Variants in PEBP4 observed in about 807,000 individuals in gnomAD.
PEBP4 encodes phosphatidylethanolamine-binding protein 4.
PEBP4 carries 22 observed loss-of-function variants against 23.9 expected under a neutral mutation model. The ratio of observed to expected loss-of-function variants is 0.92; its 90% CI spans 0.66 to 1.31. The LOEUF is 1.31. Ranked by LOEUF, PEBP4 falls within the 40% of genes most tolerant of loss-of-function variation. The pLI is 0.00. For missense variants in PEBP4, 324 were observed against 281.7 expected, an observed-to-expected ratio of 1.15 and a Z score of -1.07; for synonymous variants, 112 against 99.3, an observed-to-expected ratio of 1.13 and a Z score of -0.76.
intron 3 of PEBP4, among the ~76,000 whole-genome samples, chr8:22,906,731 G>A (rs1808823852): frequency 6.6e-6 from 1 of 152,222 alleles, no homozygotes; most frequent in African/African-American, 2.4e-5. Flanking sequence ...AATAACATGT[G>A]TTCAACAAAT....
At chr8:22,801,591 T>C (rs113404936) in intron 4 of PEBP4, among the ~76,000 whole-genome samples, 2,753 of 152,088 alleles carry the variant, frequency 0.018, 38 homozygotes, top group Non-Finnish European at 0.03. Flanking sequence ...CCCAAAGAGA[T>C]GAAGGATTTT....
chr8:22,827,524 TCA>T (rs1226959979), intron 3 of PEBP4, among the ~76,000 whole-genome samples: 1 of 152,226 alleles, frequency 6.6e-6, no homozygotes, highest in Non-Finnish European at 1.5e-5. Flanking sequence ...CATCTTTTAC[TCA>T]GCGTAATGTT....
chr8:22,847,995 T>C (rs1383160168), intron 3 of PEBP4, among the ~76,000 whole-genome samples: 2 of 152,142 alleles, frequency 1.3e-5, no homozygotes, highest in African/African-American at 4.8e-5. Context: ...AACACAAGGC[T>C]TTTAATTTTT....
chr8:22,922,593 A>AC (rs1358262717), intron 2 of PEBP4, among the ~76,000 whole-genome samples: 1 of 94,250 alleles, frequency 1.1e-5, no homozygotes, highest in Admixed American at 9.5e-5. Context: ...AACAAAAAAA[A>AC]AACACCATGG....
intron 2 of PEBP4, among the ~76,000 whole-genome samples, chr8:22,923,427 G>T (rs146347905): frequency 6.6e-6 from 1 of 152,130 alleles, no homozygotes; most frequent in African/African-American, 2.4e-5. Flanking sequence ...AATTAGCCAA[G>T]TGTGGTGGTA....
intron 4 of PEBP4, among the ~76,000 whole-genome samples, chr8:22,783,925 T>C (rs1386096920): frequency 2.0e-5 from 3 of 152,230 alleles, no homozygotes; most frequent in African/African-American, 7.2e-5. Context: ...CACGCTGGTC[T>C]GGCCGACACA....
chr8:22,865,218 G>C lies in PEBP4; in HGVS notation c.259-47483C>G, dbSNP rs928820526. Among the ~76,000 whole-genome samples the C allele has an allele frequency of 6.6e-6, 1 of 152,172 alleles. No homozygotes were observed. Among genetic ancestry groups the C allele is most frequent in the African/African-American group, 2.4e-5 (1 of 41,456 alleles). On this transcript the variant is annotated intron_variant, in intron 3 of 6. Transcript: ENST00000256404. This position sits in a 1 kb window ranked among gnomAD's most constrained non-coding sequence, Gnocchi z 6.9. The stretch of plus-strand genomic sequence containing the variant: ...TCAATGCCATTTCTGAAACAGCCTG[G>C]GGGGCGGCGGGAGGGGGAGGGAAGG...
At chr8:22,914,384 C>G (rs1206429720) in intron 3 of PEBP4, among the ~76,000 whole-genome samples, 4 of 152,184 alleles carry the variant, frequency 2.6e-5, no homozygotes, top group Admixed American at 1.3e-4. Flanking sequence ...ATGTGACCCA[C>G]TTCGTAAATA....
intron 3 of PEBP4, among the ~76,000 whole-genome samples, chr8:22,840,024 G>A (rs932673904): frequency 1.2e-4 from 18 of 152,146 alleles, no homozygotes; most frequent in African/African-American, 3.9e-4. Flanking sequence ...GAATGTGACC[G>A]GTCTGCTGTA....
At chr8:22,784,255 T>C (rs1805984810) in intron 4 of PEBP4, among the ~76,000 whole-genome samples, 1 of 151,712 alleles carries the variant, frequency 6.6e-6, no homozygotes, top group Admixed American at 6.6e-5. Context: ...GGTGTCAGGG[T>C]TGAAGGAAGC....
At chr8:22,830,240 C>G (rs774795095) in intron 3 of PEBP4, among the ~76,000 whole-genome samples, 5 of 151,702 alleles carry the variant, frequency 3.3e-5, no homozygotes, top group Non-Finnish European at 7.4e-5. Flanking sequence ...AGTGATTCCC[C>G]TGCCTCAGCC....
chr8:22,859,299 G>A (rs866473714), intron 3 of PEBP4, among the ~76,000 whole-genome samples: 2 of 152,190 alleles, frequency 1.3e-5, no homozygotes, highest in African/African-American at 4.8e-5. Context: ...CCAGTAATTC[G>A]CCGAGTGTTG....
At chr8:22,910,897 A>G (rs148352493) in intron 3 of PEBP4, among the ~76,000 whole-genome samples, 4 of 152,280 alleles carry the variant, frequency 2.6e-5, no homozygotes, top group Admixed American at 6.5e-5. Context: ...GTAGAAACCC[A>G]CAGAATGTGT....
chr8:22,724,180 T>G (rs1045144193), intron 6 of PEBP4, among the ~76,000 whole-genome samples: 1 of 152,184 alleles, frequency 6.6e-6, no homozygotes, highest in Admixed American at 6.5e-5. Flanking sequence ...TGGCTCACAC[T>G]GGGTCAGGTG....
chr8:22,764,576 G>A (rs923022515), intron 4 of PEBP4, among the ~76,000 whole-genome samples: 3 of 152,070 alleles, frequency 2.0e-5, no homozygotes, highest in Admixed American at 6.5e-5. Context: ...AATAGTGTTC[G>A]CAGCCGAGTT....
At chr8:22,918,267 T>G (rs1277687478) in intron 3 of PEBP4, among the ~76,000 whole-genome samples, 1 of 152,226 alleles carries the variant, frequency 6.6e-6, no homozygotes, top group Non-Finnish European at 1.5e-5. Context: ...TATGTTTTTC[T>G]TCTTCCCACA....
intron 3 of PEBP4, among the ~76,000 whole-genome samples, chr8:22,918,973 T>A (rs1176433276): frequency 6.6e-6 from 1 of 151,798 alleles, no homozygotes; most frequent in African/African-American, 2.4e-5. Flanking sequence ...TTGCTCGTCT[T>A]CCCAAAGGAA....
chr8:22,758,919 G>A (rs1805446334), intron 4 of PEBP4, among the ~76,000 whole-genome samples: 1 of 152,118 alleles, frequency 6.6e-6, no homozygotes, highest in Admixed American at 6.5e-5. Flanking sequence ...GTGAAGTCCG[G>A]GGCTTATGTC....
chr8:22,913,387 C>T (rs529939613), intron 3 of PEBP4, among the ~76,000 whole-genome samples: 8 of 152,214 alleles, frequency 5.3e-5, no homozygotes, highest in Admixed American at 2.6e-4. Flanking sequence ...TGCACCTTTA[C>T]TTCTTCTGCA....
Sources: allele counts gnomAD v4.1 joint callset (sites outside exome capture counted in the v4.1 genomes callset), GRCh38; gene constraint gnomAD v4.1.1; non-coding constraint Gnocchi (gnomAD v3.1); transcripts MANE v1.5; gene names NCBI Gene and HGNC (gene_info 2026-07-23, HGNC 2026-07-21).